CLSTN2: variants seen among roughly 807,000 people sequenced by gnomAD.
The protein encoded by CLSTN2 is calsyntenin 2.
A neutral mutation model predicts 101.2 loss-of-function variants in CLSTN2; 48 were observed. The observed-to-expected ratio is 0.47, with a 90% CI of 0.38 to 0.60. The LOEUF (loss-of-function observed/expected upper bound fraction) is 0.60. Ranked by LOEUF, CLSTN2 falls within the 20% of genes least tolerant of loss-of-function variation. The pLI is 0.00. For missense variants in CLSTN2, 1,160 were observed against 1,238.2 expected (o/e 0.94, Z 0.95); for synonymous variants, 481 against 463.6 (o/e 1.04, Z -0.48).
At chr3:140,030,346 A>G (rs1483108246) in intron 1 of CLSTN2, among the ~76,000 whole-genome samples, 1 of 151,818 alleles carries the variant, frequency 6.6e-6, no homozygotes, top group East Asian at 1.9e-4. Context: ...ACTTCCTAGG[A>G]TGGCTGACCT....
chr3:140,361,066 G>A (rs1311054006), intron 2 of CLSTN2, among the ~76,000 whole-genome samples: 2 of 152,150 alleles, frequency 1.3e-5, no homozygotes, highest in African/African-American at 4.8e-5. Flanking sequence ...GAAAACTACA[G>A]AACAGTGTCT....
intron 9 of CLSTN2, among the ~76,000 whole-genome samples, chr3:140,536,679 A>G (rs1935365044): frequency 6.6e-6 from 1 of 152,218 alleles, no homozygotes; most frequent in African/African-American, 2.4e-5. Context: ...ATGACAACCC[A>G]TTGGTGAATT....
At chr3:140,348,172 C>A (rs1029745701) in intron 2 of CLSTN2, among the ~76,000 whole-genome samples, 4 of 152,150 alleles carry the variant, frequency 2.6e-5, no homozygotes, top group African/African-American at 7.2e-5. Flanking sequence ...GGTAGAGTTA[C>A]CAACATGGAA....
chr3:139,952,827 C>T (rs1444606838), intron 1 of CLSTN2, among the ~76,000 whole-genome samples: 2 of 152,054 alleles, frequency 1.3e-5, no homozygotes, highest in Admixed American at 6.6e-5. Context: ...TGATTAAGGT[C>T]GGGGTTATTC....
chr3:140,425,983 G>C lies in CLSTN2; in HGVS notation c.787+4709G>C, dbSNP rs374196479. 1.6e-4 allele frequency among the ~76,000 whole-genome samples: 25 copies of C among 152,326 alleles called. No individual in the cohort carries two copies. The South Asian group carries it at 4.8e-3, about 29-fold the overall frequency. On this transcript the variant is annotated intron_variant, in intron 5 of 16. Coordinates refer to ENST00000458420, the MANE Select transcript of CLSTN2 (RefSeq NM_022131.3). ...GCTTTGAGAACTCACAGTGTGCTTA[G>C]AGGTACCTCTAGTTTTCAGGGATGA... is the stretch of plus-strand genomic sequence containing the variant.
At chr3:140,248,671 C>T (rs1393186055) in intron 2 of CLSTN2, among the ~76,000 whole-genome samples, 1 of 152,190 alleles carries the variant, frequency 6.6e-6, no homozygotes, top group Non-Finnish European at 1.5e-5. Flanking sequence ...AACAACAACT[C>T]TACCAGTTCA....
At chr3:140,399,417 C>A (rs1031948230) in intron 2 of CLSTN2, among the ~76,000 whole-genome samples, 14 of 152,134 alleles carry the variant, frequency 9.2e-5, no homozygotes, top group African/African-American at 3.4e-4. Context: ...TGGGACCTTT[C>A]TTCCAGAAGT....
chr3:140,333,281 A>T (rs1480275313), intron 2 of CLSTN2, among the ~76,000 whole-genome samples: 1 of 152,158 alleles, frequency 6.6e-6, no homozygotes, highest in Non-Finnish European at 1.5e-5. Context: ...TGAATCAGAG[A>T]TCTGATTATG....
chr3:140,122,610 G>T (rs928098133), intron 1 of CLSTN2, among the ~76,000 whole-genome samples: 1 of 152,124 alleles, frequency 6.6e-6, no homozygotes, highest in East Asian at 1.9e-4. Context: ...AATATTAATG[G>T]CACAGGGAGG....
At chr3:140,437,150 G>A (rs1004326077) in intron 5 of CLSTN2, among the ~76,000 whole-genome samples, 9 of 150,356 alleles carry the variant, frequency 6.0e-5, no homozygotes, top group East Asian at 2.0e-4. Flanking sequence ...CCAGGTTCAC[G>A]CCATTCTCCT....
chr3:140,085,622 C>T (rs2008668607), intron 1 of CLSTN2, among the ~76,000 whole-genome samples: 1 of 152,094 alleles, frequency 6.6e-6, no homozygotes, highest in African/African-American at 2.4e-5. Context: ...TGGAGTCCAT[C>T]TGGTGAGACT....
intron 2 of CLSTN2, among the ~76,000 whole-genome samples, chr3:140,319,058 A>T (rs2087258098): frequency 1.3e-5 from 2 of 152,222 alleles, no homozygotes; most frequent in African/African-American, 2.4e-5. Flanking sequence ...TTTACTAACT[A>T]TATAACTTTG....
chr3:140,558,643 C>A lies in CLSTN2; in HGVS notation c.1827C>A (p.Cys609Ter). ...ATGACCGAGAATGTTTTCCCAGGTG[C>A]TTTGGGGAAGACGTATGCATCAGTA... ...RRLKVSSKVQ[C>*]FGEDVCISIP... Residue 609 changes from cysteine (C) to a stop codon, truncating the protein, a stop_gained, in exon 12 of 17, where the codon TGC (cysteine) becomes TGA (stop). Transcript: ENST00000458420. LOFTEE classifies it high-confidence loss of function. The A allele has an allele frequency of 6.2e-7, 1 of 1,611,664 alleles. No individual in the cohort carries two copies. Among genetic ancestry groups the A allele is most frequent in the South Asian group, 1.1e-5 (1 of 90,984 alleles).
chr3:140,508,560 C>T (rs1326230945), intron 8 of CLSTN2: 2 of 152,202 alleles, frequency 1.3e-5, no homozygotes, highest in Non-Finnish European at 2.9e-5. Flanking sequence ...GAAGACAATT[C>T]CTATTTGGAG....
At chr3:140,211,158 G>A (rs867142276) in intron 2 of CLSTN2, among the ~76,000 whole-genome samples, 11 of 152,044 alleles carry the variant, frequency 7.2e-5, no homozygotes, top group African/African-American at 2.4e-4. Context: ...GGAGACCTGT[G>A]CTCCCATCTC....
intron 1 of CLSTN2, among the ~76,000 whole-genome samples, chr3:140,029,883 A>G (rs1049886660): frequency 6.6e-6 from 1 of 152,132 alleles, no homozygotes; most frequent in Admixed American, 6.5e-5. Context: ...TCCAAGACCC[A>G]AATTGGAGGC....
At chr3:140,203,951 G>T (rs907469440) in intron 2 of CLSTN2, among the ~76,000 whole-genome samples, 1 of 152,210 alleles carries the variant, frequency 6.6e-6, no homozygotes, top group African/African-American at 2.4e-5. Context: ...TCTTGGTTAG[G>T]AGGAGGCAGC....
chr3:140,234,225 A>G (rs568656925), intron 2 of CLSTN2, among the ~76,000 whole-genome samples: 45 of 152,290 alleles, frequency 3.0e-4, no homozygotes, highest in African/African-American at 1.0e-3. Flanking sequence ...TGTTTTTGTA[A>G]GTACTTTCAT....
rs113602686 is a variant in CLSTN2 at position 140,404,756 on chromosome 3, C to T, written c.627C>T (p.Ile209=). 2.5e-5 allele frequency: 40 copies of T among 1,614,010 alleles called. No individual in the cohort carries two copies. The highest frequency in any genetic ancestry group is 3.1e-5 in the Non-Finnish European group (37 of 1,179,990). ...EIVTTDVPFA[I]DRNGNIRNTE... is the part of the protein sequence containing the mutation. The stretch of plus-strand genomic sequence containing the variant: ...TCACCACAGATGTGCCTTTTGCCAT[C>T]GACAGAAATGGTGAGTGACCTCAGA... The change falls in exon 4 of 17, where the codon ATC becomes ATT. Residue 209 remains isoleucine (I), a synonymous_variant. Transcript: ENST00000458420.
Sources: allele counts gnomAD v4.1 joint callset (sites outside exome capture counted in the v4.1 genomes callset), GRCh38; gene constraint gnomAD v4.1.1; transcripts MANE v1.5; gene names NCBI Gene and HGNC (gene_info 2026-07-23, HGNC 2026-07-21).